The following ZMAT3 variants were observed in gnomAD, a reference collection of about 807,000 sequenced individuals.
ZMAT3 encodes the protein zinc finger matrin-type protein 3.
In ZMAT3, 17 loss-of-function variants were observed where a neutral mutation model predicts 32.3. The ratio of observed to expected loss-of-function variants is 0.53; its 90% confidence interval spans 0.36 to 0.79. The LOEUF (loss-of-function observed/expected upper bound fraction) is 0.79, where lower values mean the gene tolerates loss of function less well. ZMAT3 is among the 30% of genes least tolerant of loss of function. The pLI, the probability that ZMAT3 is intolerant of heterozygous loss-of-function variation, is 0.00. For synonymous variants in ZMAT3, 120 were observed against 133.1 expected, an observed-to-expected ratio of 0.90 and a Z score of 0.68; for missense variants, 329 against 359.7, an observed-to-expected ratio of 0.91 and a Z score of 0.69.
intron 1 of ZMAT3, among the ~76,000 whole-genome samples, chr3:179,069,694 G>A (rs999624030): frequency 6.6e-6 from 1 of 152,048 alleles, no homozygotes; most frequent in Non-Finnish European, 1.5e-5. Context: ...GGGGTGGGGA[G>A]GCAACAAAGG....
chr3:179,035,845 G>C (rs567553091), intron 2 of ZMAT3, among the ~76,000 whole-genome samples: 1 of 152,342 alleles, frequency 6.6e-6, no homozygotes, highest in African/African-American at 2.4e-5. Context: ...AGACTTCCCT[G>C]AAAAGGGGGC....
At position 179,021,266 on chromosome 3, in the gene ZMAT3, AGCATCTTCAGT is replaced by A. The variant is rs1237449133; in HGVS notation, c.*3740_*3750del. 6.6e-6 allele frequency: 1 copy of A among 152,240 alleles called. No individual in the cohort carries two copies. The highest frequency in any genetic ancestry group is 1.5e-5 in the Non-Finnish European group (1 of 68,040). 9.4% of individuals were successfully genotyped at this position (152,240 alleles called of 1,614,324 possible). A position where few individuals can be genotyped will look rare whatever the true frequency, so the allele number is the denominator to read the frequency against. ...GTGAAGACCAACAAAGTATTTTCAA[AGCATCTTCAGT>A]GCACTCAAAAGGATTACAGGGCACA... is the stretch of plus-strand genomic sequence containing the variant. On this transcript the variant is annotated 3_prime_UTR_variant, in exon 6 of 6. Coordinates refer to ENST00000311417, the MANE Select transcript of ZMAT3 (RefSeq NM_022470.4).
intron 5 of ZMAT3, among the ~76,000 whole-genome samples, chr3:179,027,157 TAAAC>T (rs1191254334): frequency 1.3e-5 from 2 of 152,150 alleles, no homozygotes; most frequent in Non-Finnish European, 2.9e-5. Context: ...GCTGGAAATA[TAAAC>T]AAACATAAGG....
At position 179,052,634 on chromosome 3, in the gene ZMAT3, C is replaced by T. The variant is rs115151708; in HGVS notation, c.270+14849G>A. 7.3e-3 allele frequency among the ~76,000 whole-genome samples: 1,106 copies of T among 152,248 alleles called. 16 individuals are homozygous for T. The highest frequency in any genetic ancestry group is 0.026 in the African/African-American group (1,067 of 41,526). On this transcript the variant is annotated intron_variant, in intron 2 of 5. Transcript: ENST00000311417. The stretch of plus-strand genomic sequence containing the variant: ...AAAGTAGATCTACCATTTGATCCAG[C>T]AATCCCTCTCCAGGGTATCTACCCA...
intron 2 of ZMAT3, among the ~76,000 whole-genome samples, chr3:179,053,817 A>G (rs1233645672): frequency 2.0e-5 from 3 of 152,228 alleles, no homozygotes; most frequent in Non-Finnish European, 4.4e-5. Context: ...GATGATAAAA[A>G]GCAAAGAAAA....
At chr3:179,026,035 G>A (rs1718848740) in intron 5 of ZMAT3, among the ~76,000 whole-genome samples, 3 of 152,076 alleles carry the variant, frequency 2.0e-5, no homozygotes, top group Admixed American at 2.0e-4. Flanking sequence ...TCCTACAAGT[G>A]TTAATATATT....
Position 179,064,632 on chromosome 3 carries a change from T to C in ZMAT3, c.270+2851A>G, listed in dbSNP as rs1050213242. Among the ~76,000 whole-genome samples the C allele has an allele frequency of 5.4e-4, 82 of 152,186 alleles. 6 individuals are homozygous for C. The highest frequency in any genetic ancestry group is 1.5e-5 in the Non-Finnish European group (1 of 68,036). ...TTTTTGTAGAGACAGGGTCTTGTTA[T>C]GCTGTCCATGCTGGTCTTGAACTCC... On this transcript the variant is annotated intron_variant, in intron 2 of 5. Transcript: ENST00000311417.
At chr3:179,049,104 T>A (rs564843149) in intron 2 of ZMAT3, among the ~76,000 whole-genome samples, 36 of 152,302 alleles carry the variant, frequency 2.4e-4, no homozygotes, top group African/African-American at 7.9e-4. Flanking sequence ...ATAAAAGGAC[T>A]AGTCCAAAAG....
intron 2 of ZMAT3, among the ~76,000 whole-genome samples, chr3:179,033,051 G>A (rs572016693): frequency 1.3e-5 from 2 of 152,262 alleles, no homozygotes; most frequent in African/African-American, 2.4e-5. Context: ...AGAAAAGGGG[G>A]AAGTGTGGGG....
Position 179,023,197 on chromosome 3 carries a change from T to TG in ZMAT3, c.*1819dup, listed in dbSNP as rs1718640351. ...TTTTTTTGGAGACGGAGTATTGCTC[T>TG]GTCGCCCAGACTGGAGTGCAGTGGC... On this transcript the variant is annotated 3_prime_UTR_variant, in exon 6 of 6. Coordinates refer to ENST00000311417, the MANE Select transcript of ZMAT3 (RefSeq NM_022470.4). 6.6e-6 allele frequency: 1 copy of TG among 151,464 alleles called. No homozygotes were observed. The highest frequency in any genetic ancestry group is 1.5e-5 in the Non-Finnish European group (1 of 67,892). 9.4% of individuals were successfully genotyped at this position (151,464 alleles called of 1,614,324 possible). A position where few individuals can be genotyped will look rare whatever the true frequency, so the allele number is the denominator to read the frequency against.
chr3:179,037,451 C>T (rs1719660159), intron 2 of ZMAT3, among the ~76,000 whole-genome samples: 2 of 152,198 alleles, frequency 1.3e-5, no homozygotes, highest in African/African-American at 4.8e-5. Context: ...CCCAGTGGAG[C>T]CATGGGCTGA....
intron 2 of ZMAT3, among the ~76,000 whole-genome samples, chr3:179,035,053 T>C (rs949658454): frequency 3.3e-5 from 5 of 152,222 alleles, no homozygotes; most frequent in African/African-American, 1.2e-4. Flanking sequence ...TAATAATTCT[T>C]GACATGAATC....
In ZMAT3 at chr3:179,022,259, TG is replaced by T. The variant is rs1423997561; in HGVS notation, c.*2757del. On this transcript the variant is annotated 3_prime_UTR_variant, in exon 6 of 6. Transcript: ENST00000311417. The stretch of plus-strand genomic sequence containing the variant: ...GCTTTTTCTACGTATATAATGAAAT[TG>T]TTAAGTGGAGAGAGCAAGGGGAACC... 6.6e-6 allele frequency: 1 copy of T among 152,170 alleles called. No individual in the cohort carries two copies. The highest frequency in any genetic ancestry group is 1.5e-5 in the Non-Finnish European group (1 of 68,022). The allele number at this position is 152,170 out of a possible 1,614,324, so 9.4% of individuals were successfully genotyped here.
At chr3:179,031,255 G>C (rs1263532387) in intron 2 of ZMAT3, among the ~76,000 whole-genome samples, 2 of 147,902 alleles carry the variant, frequency 1.4e-5, no homozygotes, top group Non-Finnish European at 3.0e-5. Flanking sequence ...AAAAAAAAAC[G>C]CATATAGAAG....
In ZMAT3 at chr3:179,067,734, C is replaced by A. The variant is rs767358054; in HGVS notation, c.19G>T (p.Ala7Ser). 14 of 1,613,906 alleles carry A rather than the reference C, an allele frequency of 8.7e-6. No homozygotes were observed. In the South Asian group the frequency reaches 8.8e-5, roughly 10 times the overall value. MILLQH[A>S]VLPPPKQPSP... ...GGCTGCTTAGGTGGAGGAAGCACGG[C>A]GTGTTGCAAGAGGATCATTGGGTAG... Residue 7 changes from alanine to serine, a missense_variant, in exon 2 of 6, where the codon GCC becomes TCC. By Grantham distance (99) the Ala-to-Ser change is moderately conservative. Transcript: ENST00000311417.
chr3:179,043,885 G>T (rs1056144677), intron 2 of ZMAT3, among the ~76,000 whole-genome samples: 1 of 151,910 alleles, frequency 6.6e-6, no homozygotes, highest in African/African-American at 2.4e-5. Context: ...AAAAAACAAA[G>T]AACCCCATCA....
chr3:179,034,145 G>A (rs73882939), intron 2 of ZMAT3, among the ~76,000 whole-genome samples: 628 of 152,300 alleles, frequency 4.1e-3, no homozygotes, highest in African/African-American at 0.014. Flanking sequence ...CAAACCTGCA[G>A]GCAAACATTT....
Position 179,024,450 on chromosome 3 carries a change from C to G in ZMAT3, c.*567G>C, listed in dbSNP as rs918301104. 6.5e-6 allele frequency: 1 copy of G among 153,994 alleles called. No homozygotes were observed. Among genetic ancestry groups the G allele is most frequent in the African/African-American group, 2.4e-5 (1 of 41,220 alleles). The allele number at this position is 153,994 out of a possible 1,614,324, so 9.5% of individuals were successfully genotyped here. ...AATTCAATACAATTCTTTAACAGTACATAAAACTACAATTGCAAAAGAAAA... is the reference window on the plus strand; with the variant it reads ...AATTCAATACAATTCTTTAACAGTAGATAAAACTACAATTGCAAAAGAAAA... On this transcript the variant is annotated 3_prime_UTR_variant, in exon 6 of 6. Coordinates refer to ENST00000311417, the MANE Select transcript of ZMAT3 (RefSeq NM_022470.4).
intron 2 of ZMAT3, among the ~76,000 whole-genome samples, chr3:179,042,269 A>G (rs1338614859): frequency 1.3e-5 from 2 of 152,210 alleles, no homozygotes; most frequent in Non-Finnish European, 2.9e-5. Context: ...AGATACAACA[A>G]AAACCAGAGA....
Sources: gnomAD v4.1 joint callset for allele counts (sites outside exome capture counted in the v4.1 genomes callset) on GRCh38, gnomAD v4.1.1 for gene constraint, MANE v1.5 for transcripts, NCBI Gene and HGNC (gene_info 2026-07-23, HGNC 2026-07-21) for gene names.